RARB: variants seen among roughly 807,000 people sequenced by gnomAD.
RARB encodes the protein retinoic acid receptor beta, also known as HBV-activated protein.
Under a neutral mutation model 51.9 loss-of-function variants are expected in RARB, and 17 were observed. The ratio of observed to expected loss-of-function variants is 0.33; its 90% CI spans 0.22 to 0.49. The LOEUF is 0.49. RARB is among the 20% of genes least tolerant of loss of function. The pLI is 0.99. For synonymous variants in RARB, 215 were observed against 195.4 expected (o/e 1.10, Z -0.84); for missense variants, 369 against 550.8 (o/e 0.67, Z 3.30).
At chr3:25,256,451 A>G (rs966229616) in intron 5 of RARB, among the ~76,000 whole-genome samples, 1 of 152,188 alleles carries the variant, frequency 6.6e-6, no homozygotes, top group Non-Finnish European at 1.5e-5. Flanking sequence ...GGAAACATAT[A>G]TAAGCATTAA....
intron 4 of RARB, among the ~76,000 whole-genome samples, chr3:25,154,729 C>T (rs1244846080): frequency 1.3e-5 from 2 of 152,212 alleles, no homozygotes; most frequent in African/African-American, 2.4e-5. Flanking sequence ...TCAGAGTTTA[C>T]ATTTTCTATA....
chr3:25,279,000 A>T (rs1363385576), intron 5 of RARB, among the ~76,000 whole-genome samples: 1 of 152,194 alleles, frequency 6.6e-6, no homozygotes. Context: ...GGGGATTTGC[A>T]CTCATAGCCA....
At chr3:25,383,766 T>G (rs2125481464) in intron 5 of RARB, among the ~76,000 whole-genome samples, 1 of 151,998 alleles carries the variant, frequency 6.6e-6, no homozygotes, top group South Asian at 2.1e-4. Context: ...CGTCTCTATT[T>G]AAAAAATACA....
intron 2 of RARB, among the ~76,000 whole-genome samples, chr3:25,467,134 C>CA (rs1470020440): frequency 1.3e-5 from 2 of 152,182 alleles, no homozygotes; most frequent in African/African-American, 2.4e-5. Flanking sequence ...TCCCATCATC[C>CA]AAAATCAGAG....
intron 2 of RARB, among the ~76,000 whole-genome samples, chr3:25,043,583 G>A (rs756790088): frequency 6.6e-6 from 1 of 152,212 alleles, no homozygotes; most frequent in Non-Finnish European, 1.5e-5. Flanking sequence ...TAGAAAGATA[G>A]CTTATTCCTC....
chr3:24,948,685 G>A (rs547855989), intron 2 of RARB, among the ~76,000 whole-genome samples: 3 of 152,186 alleles, frequency 2.0e-5, no homozygotes, highest in Non-Finnish European at 4.4e-5. Flanking sequence ...TGGTGGGAGG[G>A]GATTGGATCG....
chr3:24,929,897 C>T (rs919735601), intron 2 of RARB, among the ~76,000 whole-genome samples: 2 of 152,056 alleles, frequency 1.3e-5, no homozygotes, highest in Non-Finnish European at 2.9e-5. Context: ...TTAACAATTA[C>T]AAAGAATAAT....
chr3:24,976,568 CT>C (rs1165365639), intron 2 of RARB, among the ~76,000 whole-genome samples: 1 of 152,066 alleles, frequency 6.6e-6, no homozygotes, highest in Non-Finnish European at 1.5e-5. Flanking sequence ...TATATGTCTT[CT>C]TTTGAGAAGT....
intron 5 of RARB, among the ~76,000 whole-genome samples, chr3:25,291,661 T>C (rs577001436): frequency 9.9e-5 from 15 of 152,150 alleles, no homozygotes; most frequent in African/African-American, 3.6e-4. Context: ...CTTTTGTAAG[T>C]TGGTTAATAG....
At chr3:24,856,351 G>A (rs1702636252) in intron 1 of RARB, among the ~76,000 whole-genome samples, 1 of 152,124 alleles carries the variant, frequency 6.6e-6, no homozygotes, top group South Asian at 2.1e-4. Context: ...CCAATCAATA[G>A]TATTAAGGAC....
intron 2 of RARB, among the ~76,000 whole-genome samples, chr3:25,012,893 A>G (rs911537242): frequency 6.6e-5 from 10 of 152,146 alleles, no homozygotes; most frequent in Admixed American, 6.6e-4. Flanking sequence ...ATAAGAGATT[A>G]TGAGGTACTT....
chr3:24,944,286 C>G (rs1695729484), intron 2 of RARB, among the ~76,000 whole-genome samples: 1 of 152,138 alleles, frequency 6.6e-6, no homozygotes, highest in South Asian at 2.1e-4. Flanking sequence ...GTAAATTCTG[C>G]CTTTTCTTTC....
intron 2 of RARB, among the ~76,000 whole-genome samples, chr3:24,889,785 T>C (rs779087038): frequency 2.0e-5 from 3 of 151,754 alleles, no homozygotes; most frequent in African/African-American, 2.4e-5. Flanking sequence ...TGTTTGTTTA[T>C]ACTTTGAAAT....
At position 25,596,849 on chromosome 3, in the gene RARB, T is replaced by C. The variant is rs926174096; in HGVS notation, c.*233T>C. The C allele has an allele frequency of 1.3e-5, 5 of 380,116 alleles. No individual in the cohort carries two copies. The highest frequency in any genetic ancestry group is 6.1e-5 in the African/African-American group (3 of 48,962). 23.5% of individuals were successfully genotyped at this position (380,116 alleles called of 1,614,324 possible). A position where few individuals can be genotyped will look rare whatever the true frequency, so the allele number is the denominator to read the frequency against. On this transcript the variant is annotated 3_prime_UTR_variant, in exon 8 of 8. Transcript: ENST00000330688. ...TCAGCCATTTCATGCAACCAGAAAC[T>C]AGTTAAAAGCTTCTATTTTCCTCTT...
intron 3 of RARB, among the ~76,000 whole-genome samples, chr3:25,089,097 A>G (rs910534041): frequency 1.1e-4 from 16 of 152,086 alleles, no homozygotes; most frequent in African/African-American, 2.9e-4. Flanking sequence ...TCTGAAAGTA[A>G]TTAGAGATTC....
chr3:25,370,804 A>G lies in RARB; in HGVS notation c.179-90389A>G, dbSNP rs78860919. Among the ~76,000 whole-genome samples, 1,452 of 152,306 alleles carry G rather than the reference A, an allele frequency of 9.5e-3. 33 individuals are homozygous for G. The highest frequency in any genetic ancestry group is 0.032 in the African/African-American group (1,350 of 41,560). On this transcript the variant is annotated intron_variant, in intron 5 of 11. Transcript: ENST00000383772. ...GGCTTGCTGGCGTCAAACAACAGAAATTTATGTTCTAACAGATCTGGGAGC... is the reference window on the plus strand; with the variant it reads ...GGCTTGCTGGCGTCAAACAACAGAAGTTTATGTTCTAACAGATCTGGGAGC...
At chr3:25,594,722 G>A (rs778909786) in intron 7 of RARB, 44 bp downstream of exon 7, 1 of 1,474,614 alleles carries the variant, frequency 6.8e-7, no homozygotes, top group Non-Finnish European at 9.0e-7. Context: ...CAGTGGACTT[G>A]AGGGCCTTAC....
rs114973791 is a variant in RARB, at chr3:25,233,510, C to T, written c.178+58935C>T. 7.6e-3 allele frequency among the ~76,000 whole-genome samples: 1,162 copies of T among 152,034 alleles called. 3 individuals are homozygous for T. Among genetic ancestry groups the T allele is most frequent in the Middle Eastern group, 0.014 (4 of 294 alleles). ...TGTGAATAGAGAGTTTTATTTCTTCCCTTCTAATCTGTATGTCTTTTATTT... is the reference window on the plus strand; with the variant it reads ...TGTGAATAGAGAGTTTTATTTCTTCTCTTCTAATCTGTATGTCTTTTATTT... On this transcript the variant is annotated intron_variant, in intron 5 of 11. Coordinates refer to the RARB transcript ENST00000383772.
At chr3:25,280,356 G>A (rs1314384369) in intron 5 of RARB, among the ~76,000 whole-genome samples, 1 of 152,158 alleles carries the variant, frequency 6.6e-6, no homozygotes, top group Admixed American at 6.5e-5. Context: ...CAGGGGAGAA[G>A]GATGAGGAGA....
Sources: allele counts gnomAD v4.1 joint callset (sites outside exome capture counted in the v4.1 genomes callset), GRCh38; gene constraint gnomAD v4.1.1; transcripts MANE v1.5; gene names NCBI Gene and HGNC (gene_info 2026-07-23, HGNC 2026-07-21).